C1S: variants seen among roughly 807,000 people sequenced by gnomAD.
C1S encodes complement C1s, also known as complement C1s subcomponent.
In C1S, 31 loss-of-function variants were observed where a neutral mutation model predicts 54.0. That is an observed-to-expected ratio of 0.57 (90% CI 0.43 to 0.78). The LOEUF (loss-of-function observed/expected upper bound fraction) is 0.78, where lower values mean the gene tolerates loss of function less well. C1S is among the 30% of genes least tolerant of loss of function. C1S has a pLI of 0.00. For missense variants in C1S, 727 were observed against 851.8 expected, an observed-to-expected ratio of 0.85 and a Z score of 1.82; for synonymous variants, 292 against 303.6, an observed-to-expected ratio of 0.96 and a Z score of 0.40.
Position 7,066,551 on chromosome 12 carries a change from C to A in C1S, c.905C>A (p.Ser302Tyr), listed in dbSNP as rs782476277. 2 of 1,612,664 alleles carry A rather than the reference C, an allele frequency of 1.2e-6. No individual in the cohort carries two copies. Among genetic ancestry groups the A allele is most frequent in the Non-Finnish European group, 1.7e-6 (2 of 1,178,630 alleles). ...TGCCCTAAGGAAGACACTCCCAATT[C>A]TGTTTGGGAGCCTGCGAAGGCAAAA... ...MPCPKEDTPN[S>Y]VWEPAKAKYV... is the part of the protein sequence containing the mutation. Residue 302 changes from serine to tyrosine, a missense_variant, in exon 8 of 12, where the codon TCT becomes TAT. Physicochemically the swap from Ser to Tyr is moderately radical, Grantham distance 144 (BLOSUM62 -2). This residue lies in a region of C1S where 357 missense variants were observed against 365.4 expected (regional missense o/e 0.98). Coordinates refer to ENST00000360817, the MANE Select transcript of C1S (RefSeq NM_001734.5).
At chr12:7,064,749 CTTAG>C (rs1565621013) in intron 5 of C1S, among the ~76,000 whole-genome samples, 2 of 152,058 alleles carry the variant, frequency 1.3e-5, no homozygotes, top group East Asian at 1.9e-4. Context: ...GGCATCTATT[CTTAG>C]TTACTCATAA....
At position 7,069,989 on chromosome 12, in the gene C1S, T is replaced by C; in HGVS notation, c.1405T>C (p.Trp469Arg). The C allele has an allele frequency of 6.2e-7, 1 of 1,614,198 alleles. No homozygotes were observed. Among genetic ancestry groups the C allele is most frequent in the Non-Finnish European group, 8.5e-7 (1 of 1,180,038 alleles). Residue 469 changes from tryptophan (W) to arginine (R), a missense_variant, in exon 12 of 12, where the codon TGG becomes CGG. Transcript: ENST00000360817. ...WAGGALINEY[W>R]VLTAAHVVEG... ...TGGTGGAGCGCTCATTAATGAGTAC[T>C]GGGTGCTGACGGCTGCTCATGTTGT... is the stretch of plus-strand genomic sequence containing the variant.
intron 11 of C1S, 100 bp downstream of exon 11, chr12:7,068,630 G>GTCC: frequency 1.2e-6 from 1 of 852,042 alleles, no homozygotes; most frequent in Non-Finnish European, 2.0e-6. Context: ...ACTGAACAGT[G>GTCC]ACCTGCCAGA....
chr12:7,062,734 C>A (rs782504218), intron 3 of C1S, 52 bp downstream of exon 3: 2 of 1,568,872 alleles, frequency 1.3e-6, no homozygotes, highest in East Asian at 2.2e-5. Context: ...GCTAAGGTAG[C>A]GGAATAAGGA....
At chr12:7,067,401 C>A in intron 9 of C1S, 1 of 655,932 alleles carries the variant, frequency 1.5e-6, no homozygotes. Flanking sequence ...TCACCAACCA[C>A]TGAGAACCAG....
intron 1 of C1S, chr12:7,061,177 C>T (rs1468146287): frequency 6.6e-6 from 1 of 152,406 alleles, no homozygotes; most frequent in Non-Finnish European, 1.5e-5. Context: ...CAAACAAACT[C>T]TGGAAAACGA....
intron 10 of C1S, among the ~76,000 whole-genome samples, 189 bp downstream of exon 10, chr12:7,067,960 C>T (rs1053880702): frequency 2.0e-5 from 3 of 152,210 alleles, no homozygotes; most frequent in Admixed American, 2.0e-4. Context: ...GAGCATCAGC[C>T]TCAGGGAATC....
In C1S at chr12:7,069,938, C is replaced by A; in HGVS notation, c.1354C>A (p.Gln452Lys). 6.2e-7 allele frequency: 1 copy of A among 1,614,140 alleles called. No homozygotes were observed. The highest frequency in any genetic ancestry group is 1.1e-5 in the South Asian group (1 of 91,088). The change falls in exon 12 of 12, where the codon CAA (glutamine) becomes AAA (lysine). Residue 452 changes from glutamine (Q) to lysine (K), a missense_variant. By Grantham distance (53) the Gln-to-Lys change is moderately conservative. Around this residue, in one of 3 missense-constraint regions of C1S, gnomAD observed 360 missense variants for 453.6 expected, o/e 0.79. Coordinates refer to ENST00000360817, the MANE Select transcript of C1S (RefSeq NM_001734.5). ...TGCAGATATTAAAAACTTCCCCTGG[C>A]AAGTCTTCTTTGACAACCCATGGGC... is the stretch of plus-strand genomic sequence containing the variant. ...SDADIKNFPW[Q>K]VFFDNPWAGG...
At chr12:7,069,757 T>A (rs1170319632) in intron 11 of C1S, 98 bp from the exon 12 acceptor site, 6 of 1,069,416 alleles carry the variant, frequency 5.6e-6, no homozygotes, top group Non-Finnish European at 8.7e-6. Flanking sequence ...TAGAGAATCC[T>A]GCAACCTAGC....
chr12:7,065,362 A>AAAG (rs782104582), intron 6 of C1S, 63 bp downstream of exon 6: 15 of 1,303,906 alleles, frequency 1.2e-5, no homozygotes, highest in East Asian at 2.4e-5. Flanking sequence ...CCCTGAAGAC[A>AAAG]AATTTTTTTT....
intron 4 of C1S, chr12:7,064,046 A>ACACACACACACACACC (rs782139525): frequency 3.3e-6 from 2 of 601,700 alleles, no homozygotes; most frequent in African/African-American, 3.7e-5. Flanking sequence ...ACACACACAC[A>ACACACACACACACACC]CCCCCGAGCT....
Position 7,062,941 on chromosome 12 carries a change from A to G in C1S, c.265A>G (p.Asn89Asp), listed in dbSNP as rs371828427. The G allele has an allele frequency of 2.5e-5, 41 of 1,614,046 alleles. No individual in the cohort carries two copies. Among genetic ancestry groups the G allele is most frequent in the Non-Finnish European group, 3.5e-5 (41 of 1,180,016 alleles). The change falls in exon 4 of 12, where the codon AAC becomes GAC. Residue 89 changes from asparagine to aspartate, a missense_variant. By Grantham distance (23) the Asn-to-Asp change is conservative. Transcript: ENST00000360817. ...GAGGCTCTGTGGACAGAGGAGCAGT[A>G]ACAATCCCCACTCTCCAATTGTGGA... ...EGRLCGQRSS[N>D]NPHSPIVEEF...
In C1S at chr12:7,064,285, A is replaced by T. The variant is rs1555161740; in HGVS notation, c.410A>T (p.Asp137Val). The change falls in exon 5 of 12, where the codon GAT (aspartate) becomes GTT (valine). Residue 137 changes from aspartate to valine, a missense_variant. Physicochemically the swap from Asp to Val is radical, Grantham distance 152. This residue lies in a region of C1S where 357 missense variants were observed against 365.4 expected (regional missense o/e 0.98). Coordinates refer to ENST00000360817, the MANE Select transcript of C1S (RefSeq NM_001734.5). Reference sequence around the variant, plus strand: ...TTTGTAGACATAAATGAATGCACAGATTTTGTAGATGTCCCTTGTAGCCAC... The same window carrying T: ...TTTGTAGACATAAATGAATGCACAGTTTTTGTAGATGTCCCTTGTAGCCAC... ...YVATDINECT[D>V]FVDVPCSHFC... 1.2e-6 allele frequency: 2 copies of T among 1,614,016 alleles called. No individual in the cohort carries two copies. Among genetic ancestry groups the T allele is most frequent in the Non-Finnish European group, 1.7e-6 (2 of 1,179,938 alleles).
At chr12:7,062,742 G>C in intron 3 of C1S, 60 bp downstream of exon 3, 1 of 1,550,190 alleles carries the variant, frequency 6.5e-7, no homozygotes, top group East Asian at 2.2e-5. Context: ...AGCGGAATAA[G>C]GATGTGGGAG....
chr12:7,062,929 C>T lies in C1S; in HGVS notation c.253C>T (p.Gln85Ter). Reference protein sequence around the residue: ...GDTEEGRLCGQRSSNNPHSPI... With the variant: ...GDTEEGRLCG ...CACTGAAGAAGGGAGGCTCTGTGGA[C>T]AGAGGAGCAGTAACAATCCCCACTC... The change falls in exon 4 of 12, where the codon CAG becomes TAG. Residue 85 changes from glutamine to a stop codon, truncating the protein, a stop_gained. Transcript: ENST00000360817. LOFTEE classifies it high-confidence loss of function. 1 of 1,614,006 alleles carries T rather than the reference C, an allele frequency of 6.2e-7. No individual in the cohort carries two copies. Among genetic ancestry groups the T allele is most frequent in the Non-Finnish European group, 8.5e-7 (1 of 1,179,980 alleles).
In C1S at chr12:7,064,918, T is replaced by C. The variant is rs782132619; in HGVS notation, c.518-182T>C. ...CAAAGTGATGGAAACCTAATAGGGA[T>C]TGGGTATTCCTACTGATACGTATTG... On this transcript the variant is annotated intron_variant, in intron 5 of 11. Transcript: ENST00000360817. 8.0e-4 allele frequency among the ~76,000 whole-genome samples: 121 copies of C among 152,160 alleles called. 1 individual carries two copies. Among genetic ancestry groups the C allele is most frequent in the Non-Finnish European group, 1.8e-4 (12 of 68,028 alleles).
intron 2 of C1S, chr12:7,062,130 G>A: frequency 3.4e-6 from 2 of 592,904 alleles, no homozygotes; most frequent in Non-Finnish European, 5.9e-6. Flanking sequence ...AATTAGCCCA[G>A]CGTCATGCGT....
intron 6 of C1S, 112 bp downstream of exon 6, chr12:7,065,411 A>C (rs1365685229): frequency 1.2e-6 from 1 of 806,008 alleles, no homozygotes; most frequent in Non-Finnish European, 2.1e-6. Flanking sequence ...GCTGGAGTGC[A>C]GTGGTGCAAT....
At chr12:7,066,998 T>A in intron 8 of C1S, 41 bp from the exon 9 acceptor site, 1 of 1,461,918 alleles carries the variant, frequency 6.8e-7, no homozygotes, top group Non-Finnish European at 9.6e-7. Flanking sequence ...GTTTCCCATA[T>A]CTCTCTTCAG....
Sources: gnomAD v4.1 joint callset for allele counts (sites outside exome capture counted in the v4.1 genomes callset) on GRCh38, gnomAD v4.1.1 for gene constraint, gnomAD v4.1.1 regional missense constraint, MANE v1.5 for transcripts, NCBI Gene and HGNC (gene_info 2026-07-23, HGNC 2026-07-21) for gene names.